Variants in APCDD1 observed in about 807,000 individuals in gnomAD.
The protein encoded by APCDD1 is protein APCDD1.
A neutral mutation model predicts 38.1 loss-of-function variants in APCDD1; 15 were observed. The observed-to-expected ratio is 0.39, with a 90% CI of 0.26 to 0.61. APCDD1 has a LOEUF of 0.61. Ranked by LOEUF, APCDD1 falls within the 20% of genes least tolerant of loss-of-function variation. The pLI is 0.49. For synonymous variants in APCDD1, 261 were observed against 279.7 expected (o/e 0.93, Z 0.67); for missense variants, 647 against 696.2 (o/e 0.93, Z 0.79).
chr18:10,481,333 T>G (rs2031131353), intron 3 of APCDD1, among the ~76,000 whole-genome samples: 1 of 152,246 alleles, frequency 6.6e-6, no homozygotes, highest in Non-Finnish European at 1.5e-5. Flanking sequence ...AAATGTGGAA[T>G]AGTCATACAA....
chr18:10,460,023 C>A (rs182215702), intron 1 of APCDD1, among the ~76,000 whole-genome samples: 1 of 152,252 alleles, frequency 6.6e-6, no homozygotes. Context: ...TTCCCTTAAG[C>A]CTTAGAGTAC....
intron 4 of APCDD1, among the ~76,000 whole-genome samples, chr18:10,486,138 G>A (rs1359112784): frequency 1.3e-5 from 2 of 152,202 alleles, no homozygotes. Flanking sequence ...GATCTCATGA[G>A]GCCAGAAGTT....
chr18:10,479,671 A>G (rs1003042392), intron 3 of APCDD1, among the ~76,000 whole-genome samples: 27 of 152,258 alleles, frequency 1.8e-4, no homozygotes, highest in African/African-American at 6.3e-4. Context: ...TGGGTTTGTA[A>G]AGTCATCTGA....
rs977675632 is a variant in APCDD1 at position 10,469,471 on chromosome 18, C to T, written c.242+819C>T. On this transcript the variant is annotated intron_variant, in intron 2 of 4. Transcript: ENST00000355285. This position sits in a 1 kb window ranked among gnomAD's most constrained non-coding sequence, Gnocchi z 5.5. ...GTATAAACAACCTTCATGTTACATA[C>T]TTTTAAAATATTTATCATTTTATTC... Among the ~76,000 whole-genome samples the T allele has an allele frequency of 2.0e-5, 3 of 152,184 alleles. No individual in the cohort carries two copies. Among genetic ancestry groups the T allele is most frequent in the African/African-American group, 7.2e-5 (3 of 41,452 alleles).
chr18:10,484,811 C>T (rs1249579672), intron 3 of APCDD1, among the ~76,000 whole-genome samples: 1 of 150,186 alleles, frequency 6.7e-6, no homozygotes, highest in Non-Finnish European at 1.5e-5. Flanking sequence ...TTTGTTGATC[C>T]ATCCATCTGT....
At chr18:10,480,375 A>T (rs76147380) in intron 3 of APCDD1, among the ~76,000 whole-genome samples, 2,389 of 152,334 alleles carry the variant, frequency 0.016, 74 homozygotes, top group African/African-American at 0.055. Flanking sequence ...TACAATATAC[A>T]GGCTTTAATT....
chr18:10,455,123 G>C, intron 1 of APCDD1, 84 bp downstream of exon 1: 1 of 1,535,416 alleles, frequency 6.5e-7, no homozygotes, highest in South Asian at 1.2e-5. Flanking sequence ...GTCGGGTCTG[G>C]ATCGCGGCAC....
chr18:10,459,716 C>T (rs2030481571), intron 1 of APCDD1, among the ~76,000 whole-genome samples: 1 of 152,178 alleles, frequency 6.6e-6, no homozygotes, highest in Admixed American at 6.5e-5. Flanking sequence ...GAAACCTGTG[C>T]TGGAGTTTAT....
At position 10,475,125 on chromosome 18, in the gene APCDD1, C is replaced by G. The variant is rs539651621; in HGVS notation, c.774+3064C>G. Reference sequence around the variant, plus strand: ...ATAGGGCCTGAATGCAAAGCTCCATCTCTCTTAACCTAGAGTAAGTCGCCC... The same window carrying G: ...ATAGGGCCTGAATGCAAAGCTCCATGTCTCTTAACCTAGAGTAAGTCGCCC... On this transcript the variant is annotated intron_variant, in intron 3 of 4. Transcript: ENST00000355285. This position sits in a 1 kb window ranked among gnomAD's most constrained non-coding sequence, Gnocchi z 4.0. 2.0e-5 allele frequency among the ~76,000 whole-genome samples: 3 copies of G among 152,392 alleles called. No individual in the cohort carries two copies. The South Asian group carries it at 6.2e-4, about 32-fold the overall frequency.
Position 10,485,747 on chromosome 18 carries a change from T to A in APCDD1, c.1060T>A (p.Ser354Thr). ...CCGCTACAGCCGCGGCGTCCTCTCGTCCAGGGTCATGGGAGGCACCGAGTT... is the reference window on the plus strand; with the variant it reads ...CCGCTACAGCCGCGGCGTCCTCTCGACCAGGGTCATGGGAGGCACCGAGTT... ...RGRYSRGVLS[S>T]RVMGGTEFVF... Residue 354 changes from serine (S) to threonine (T), a missense_variant, in exon 4 of 5, where the codon TCC becomes ACC. Coordinates refer to ENST00000355285, the MANE Select transcript of APCDD1 (RefSeq NM_153000.5). The surrounding 1 kb of genome is among the most constrained non-coding windows in gnomAD (Gnocchi z 5.8). 1 of 1,613,826 alleles carries A rather than the reference T, an allele frequency of 6.2e-7. No homozygotes were observed. Among genetic ancestry groups the A allele is most frequent in the East Asian group, 2.2e-5 (1 of 44,878 alleles).
intron 1 of APCDD1, among the ~76,000 whole-genome samples, chr18:10,464,311 AACACACACACACAC>A (rs541648834): frequency 2.0e-5 from 3 of 146,996 alleles, no homozygotes; most frequent in East Asian, 4.0e-4. Context: ...CTTCAAAGTA[AACACACACACACAC>A]ACACACACAC....
In APCDD1 at chr18:10,475,371, T is replaced by G. The variant is rs1384105971; in HGVS notation, c.774+3310T>G. 6.6e-6 allele frequency among the ~76,000 whole-genome samples: 1 copy of G among 152,090 alleles called. No individual in the cohort carries two copies. The highest frequency in any genetic ancestry group is 1.9e-4 in the East Asian group (1 of 5,198). On this transcript the variant is annotated intron_variant, in intron 3 of 4. Transcript: ENST00000355285. The surrounding 1 kb of genome is among the most constrained non-coding windows in gnomAD (Gnocchi z 4.0). ...GACAGAAAATTAAGGTGGAAAGAGC[T>G]TTAGGACCTTAGATACTACACGAGA...
intron 3 of APCDD1, among the ~76,000 whole-genome samples, chr18:10,480,731 G>A (rs2031115761): frequency 6.6e-6 from 1 of 151,862 alleles, no homozygotes; most frequent in Admixed American, 6.6e-5. Context: ...ATCCAGTCAT[G>A]GTGGTGCACA....
At chr18:10,473,216 A>G (rs2030906998) in intron 3 of APCDD1, among the ~76,000 whole-genome samples, 1 of 151,966 alleles carries the variant, frequency 6.6e-6, no homozygotes, top group Non-Finnish European at 1.5e-5. Context: ...TTTTTAATCT[A>G]TGTTATTGTG....
rs376484896 is a variant in APCDD1 at position 10,471,907 on chromosome 18, A to G, written c.620A>G (p.His207Arg). The G allele has an allele frequency of 4.5e-5, 73 of 1,614,052 alleles. No individual in the cohort carries two copies. The highest frequency in any genetic ancestry group is 6.1e-5 in the Non-Finnish European group (72 of 1,180,050). ...ECTKAVNFAMHELQLIRVEKQ... is the reference protein window; with the variant it reads ...ECTKAVNFAMRELQLIRVEKQ... ...ACCAAGGCCGTGAACTTTGCCATGCATGAACTTCAGCTCATCCGGGTGGAG... is the reference window on the plus strand; with the variant it reads ...ACCAAGGCCGTGAACTTTGCCATGCGTGAACTTCAGCTCATCCGGGTGGAG... The change falls in exon 3 of 5, where the codon CAT becomes CGT. Residue 207 changes from histidine (H) to arginine (R), a missense_variant. Physicochemically the swap from His to Arg is conservative, Grantham distance 29 (BLOSUM62 0). Coordinates refer to ENST00000355285, the MANE Select transcript of APCDD1 (RefSeq NM_153000.5). This position sits in a 1 kb window ranked among gnomAD's most constrained non-coding sequence, Gnocchi z 5.5.
rs4797441 is a variant in APCDD1 at position 10,470,721 on chromosome 18, T to C, written c.243-809T>C. Among the ~76,000 whole-genome samples, 46,694 of 152,066 alleles carry C rather than the reference T, an allele frequency of 0.31. 7,666 individuals carry two copies. Among genetic ancestry groups the C allele is most frequent in the East Asian group, 0.44 (2,261 of 5,170 alleles). On this transcript the variant is annotated intron_variant, in intron 2 of 4. Coordinates refer to ENST00000355285, the MANE Select transcript of APCDD1 (RefSeq NM_153000.5). This position sits in a 1 kb window ranked among gnomAD's most constrained non-coding sequence, Gnocchi z 4.1. ...CTTTAAGTACCTCCCCGTACCCCCA[T>C]TGCAGCCTCAGCTAGTATATGTGAA...
At position 10,455,155 on chromosome 18, in the gene APCDD1, G is replaced by T. The variant is rs567736994; in HGVS notation, c.58+116G>T. On this transcript the variant is annotated intron_variant, in intron 1 of 4. Coordinates refer to ENST00000355285, the MANE Select transcript of APCDD1 (RefSeq NM_153000.5). ...GCACGGCCTACACTGTCCCCTTGGCGGGGCGGGTCCGAGGGGAGCCCCGCG... is the reference window on the plus strand; with the variant it reads ...GCACGGCCTACACTGTCCCCTTGGCTGGGCGGGTCCGAGGGGAGCCCCGCG... 74 of 1,450,396 alleles carry T rather than the reference G, an allele frequency of 5.1e-5. No individual in the cohort carries two copies. In the African/African-American group the frequency reaches 9.3e-4, roughly 18 times the overall value. The allele number at this position is 1,450,396 out of a possible 1,614,324, so 89.8% of individuals were successfully genotyped here.
At chr18:10,461,876 G>T (rs1477664500) in intron 1 of APCDD1, among the ~76,000 whole-genome samples, 1 of 152,134 alleles carries the variant, frequency 6.6e-6, no homozygotes, top group African/African-American at 2.4e-5. Context: ...ATTTGTGTGT[G>T]TACTCTCACA....
At chr18:10,468,349 TG>T in intron 1 of APCDD1, 119 bp from the exon 2 acceptor site, 2 of 1,088,494 alleles carry the variant, frequency 1.8e-6, no homozygotes, top group South Asian at 1.3e-5. Context: ...GATGACACCT[TG>T]TAGAATAAAC....
Sources: allele counts gnomAD v4.1 joint callset (sites outside exome capture counted in the v4.1 genomes callset), GRCh38; gene constraint gnomAD v4.1.1; non-coding constraint Gnocchi (gnomAD v3.1); transcripts MANE v1.5; gene names NCBI Gene and HGNC (gene_info 2026-07-23, HGNC 2026-07-21).